SPPL2A: variants seen among roughly 807,000 people sequenced by gnomAD.
The protein encoded by SPPL2A is signal peptide peptidase like 2A, also known as signal peptide peptidase-like 2A.
In SPPL2A, 51 loss-of-function variants were observed where a neutral mutation model predicts 63.8. That is an observed-to-expected ratio of 0.80 (90% CI 0.64 to 1.01). The LOEUF (loss-of-function observed/expected upper bound fraction) is 1.01, where lower values mean the gene tolerates loss of function less well. SPPL2A is among the 50% of genes least tolerant of loss of function. The pLI is 0.00. For synonymous variants in SPPL2A, 188 were observed against 205.8 expected, an observed-to-expected ratio of 0.91 and a Z score of 0.74; for missense variants, 553 against 622.7, an observed-to-expected ratio of 0.89 and a Z score of 1.19.
intron 8 of SPPL2A, among the ~76,000 whole-genome samples, chr15:50,735,253 G>C (rs189347028): frequency 4.6e-5 from 7 of 152,156 alleles, no homozygotes; most frequent in Admixed American, 1.3e-4. Context: ...CATTACGTTT[G>C]AGATTCATTC....
At chr15:50,715,113 C>A (rs781678983) in intron 14 of SPPL2A, among the ~76,000 whole-genome samples, 2 of 152,104 alleles carry the variant, frequency 1.3e-5, no homozygotes, top group Non-Finnish European at 2.9e-5. Flanking sequence ...CTGCCTCAGC[C>A]TCCTGAGTAG....
At chr15:50,730,685 A>G (rs1256182261) in intron 10 of SPPL2A, among the ~76,000 whole-genome samples, 1 of 152,168 alleles carries the variant, frequency 6.6e-6, no homozygotes, top group Non-Finnish European at 1.5e-5. Context: ...TTTATTGTCT[A>G]TATTGCCTAC....
chr15:50,736,687 A>G lies in SPPL2A; in HGVS notation c.787T>C (p.Cys263Arg). The G allele has an allele frequency of 6.2e-7, 1 of 1,610,656 alleles. No homozygotes were observed. The highest frequency in any genetic ancestry group is 8.5e-7 in the Non-Finnish European group (1 of 1,177,192). The change falls in exon 7 of 15, where the codon TGT becomes CGT. Residue 263 changes from cysteine to arginine, a missense_variant. Transcript: ENST00000261854. Reference sequence around the variant, plus strand: ...ATCTTATGAATTAGTGCAGCAAGACAGTTGTACAGACTCATTGCTGATGCT... The same window carrying G: ...ATCTTATGAATTAGTGCAGCAAGACGGTTGTACAGACTCATTGCTGATGCT... ...CIASAMSLYNCLAALIHKIPY... is the reference protein window; with the variant it reads ...CIASAMSLYNRLAALIHKIPY...
chr15:50,731,056 CAAAATT>C lies in SPPL2A; in HGVS notation c.1015-23_1015-18del. The C allele has an allele frequency of 8.1e-7, 1 of 1,232,416 alleles. No individual in the cohort carries two copies. 76.3% of individuals were successfully genotyped at this position (1,232,416 alleles called of 1,614,324 possible). ...CACACATGACTGTCAAAGAAAGAAACAAAATTAAAGGTCAATCTTCCTAAATGTAAA... is the reference window on the plus strand; with the variant it reads ...CACACATGACTGTCAAAGAAAGAAACAAAGGTCAATCTTCCTAAATGTAAA... On this transcript the variant is annotated intron_variant, in intron 9 of 14. Transcript: ENST00000261854.
chr15:50,703,034 TA>T lies in SPPL2A; in HGVS notation c.*4765del, dbSNP rs1475611987. The T allele has an allele frequency of 6.6e-6, 1 of 151,972 alleles. No homozygotes were observed. The highest frequency in any genetic ancestry group is 1.5e-5 in the Non-Finnish European group (1 of 68,012). The allele number at this position is 151,972 out of a possible 1,614,324, so 9.4% of individuals were successfully genotyped here. On this transcript the variant is annotated 3_prime_UTR_variant, in exon 15 of 15. Transcript: ENST00000261854. ...GAGTACTTTTCCTCCAGGAAATGTA[TA>T]AAGTTATTTATTTTATGTTATATAT... is the stretch of plus-strand genomic sequence containing the variant.
intron 5 of SPPL2A, among the ~76,000 whole-genome samples, chr15:50,740,986 T>C (rs1381772134): frequency 6.6e-6 from 1 of 152,196 alleles, no homozygotes; most frequent in Non-Finnish European, 1.5e-5. Context: ...TGCTCATCAA[T>C]GTATTATAAA....
intron 1 of SPPL2A, among the ~76,000 whole-genome samples, chr15:50,754,996 G>A (rs564071815): frequency 9.1e-4 from 136 of 148,752 alleles, no homozygotes; most frequent in African/African-American, 1.3e-3. Context: ...AAACAGAAAC[G>A]AAAACAAAAC....
chr15:50,714,884 A>G (rs2062589576), intron 14 of SPPL2A, among the ~76,000 whole-genome samples: 3 of 152,102 alleles, frequency 2.0e-5, no homozygotes, highest in Non-Finnish European at 4.4e-5. Flanking sequence ...TGGAGGTTGC[A>G]GTAAGCCAAG....
chr15:50,752,101 G>A (rs1255052243), intron 1 of SPPL2A, among the ~76,000 whole-genome samples: 1 of 151,990 alleles, frequency 6.6e-6, no homozygotes, highest in Non-Finnish European at 1.5e-5. Context: ...AAAGTACTGG[G>A]ATAACAGGTG....
Position 50,736,631 on chromosome 15 carries a change from AAG to A in SPPL2A, c.830+11_830+12del, listed in dbSNP as rs1160073717. The A allele has an allele frequency of 2.1e-6, 3 of 1,408,454 alleles. No individual in the cohort carries two copies. The highest frequency in any genetic ancestry group is 3.0e-6 in the Non-Finnish European group (3 of 1,006,460). 87.2% of individuals were successfully genotyped at this position (1,408,454 alleles called of 1,614,324 possible). On this transcript the variant is annotated intron_variant, in intron 7 of 14. Coordinates refer to ENST00000261854, the MANE Select transcript of SPPL2A (RefSeq NM_032802.4). ...ACACCAACATTATAAGATTTCCTGT[AAG>A]AGATACGTACGTGCATTGTCCATAT...
At chr15:50,755,627 CAAAAAAAAA>C (rs148415568) in intron 1 of SPPL2A, among the ~76,000 whole-genome samples, 56 of 49,540 alleles carry the variant, frequency 1.1e-3, no homozygotes, top group Non-Finnish European at 1.5e-3. Flanking sequence ...CACCCTGTCT[CAAAAAAAAA>C]AAAAAAAAAA....
rs1283800792 is a variant in SPPL2A at position 50,702,925 on chromosome 15, T to G, written c.*4875A>C. The G allele has an allele frequency of 6.6e-6, 1 of 152,170 alleles. No homozygotes were observed. Among genetic ancestry groups the G allele is most frequent in the Non-Finnish European group, 1.5e-5 (1 of 68,040 alleles). 9.4% of individuals were successfully genotyped at this position (152,170 alleles called of 1,614,324 possible). ...GTCAATTTTTTTTCACTCTGAAAAT[T>G]CAGTAATCTAGCATATGAGTATTAC... On this transcript the variant is annotated 3_prime_UTR_variant, in exon 15 of 15. Coordinates refer to ENST00000261854, the MANE Select transcript of SPPL2A (RefSeq NM_032802.4).
At position 50,719,981 on chromosome 15, in the gene SPPL2A, G is replaced by T; in HGVS notation, c.1447C>A (p.Arg483Ser). 1 of 1,613,304 alleles carries T rather than the reference G, an allele frequency of 6.2e-7. No individual in the cohort carries two copies. Among genetic ancestry groups the T allele is most frequent in the Non-Finnish European group, 8.5e-7 (1 of 1,179,672 alleles). ...TTCCAGAACTTTTTCATTTCCTTAC[G>T]TCTCCAGGCAACAACTGAGGCAGTA... is the stretch of plus-strand genomic sequence containing the variant. ...LITASVVAWRRKEMKKFWKGN... is the reference protein window; with the variant it reads ...LITASVVAWRSKEMKKFWKGN... Residue 483 changes from arginine (R) to serine (S), a missense_variant, in exon 14 of 15, where the codon CGT (arginine) becomes AGT (serine). Arg to Ser is a moderately radical substitution (Grantham distance 110). Transcript: ENST00000261854.
intron 10 of SPPL2A, among the ~76,000 whole-genome samples, chr15:50,727,873 A>G (rs975401437): frequency 6.6e-6 from 1 of 152,250 alleles, no homozygotes; most frequent in African/African-American, 2.4e-5. Context: ...TACAGCAGTG[A>G]ACTCCAAAGA....
intron 14 of SPPL2A, among the ~76,000 whole-genome samples, chr15:50,719,465 G>A (rs989448064): frequency 3.3e-5 from 5 of 151,952 alleles, no homozygotes; most frequent in African/African-American, 1.2e-4. Flanking sequence ...GGCTGGTCTC[G>A]AACTCCTGTC....
At chr15:50,763,975 G>T (rs1047110232) in intron 1 of SPPL2A, among the ~76,000 whole-genome samples, 1 of 152,162 alleles carries the variant, frequency 6.6e-6, no homozygotes, top group African/African-American at 2.4e-5. Flanking sequence ...TTTAGAACAG[G>T]GATGATCTTT....
intron 11 of SPPL2A, chr15:50,725,921 TACC>T: frequency 3.1e-6 from 1 of 327,538 alleles, no homozygotes; most frequent in Non-Finnish European, 5.8e-6. Context: ...TTTTTCTCTT[TACC>T]AAGGATAGAA....
chr15:50,727,867 G>A (rs550575921), intron 10 of SPPL2A, among the ~76,000 whole-genome samples: 1 of 152,172 alleles, frequency 6.6e-6, no homozygotes, highest in Non-Finnish European at 1.5e-5. Flanking sequence ...TAAATCTACA[G>A]CAGTGAACTC....
chr15:50,748,352 T>G (rs2062876211), intron 3 of SPPL2A, 150 bp from the exon 4 acceptor site: 1 of 428,746 alleles, frequency 2.3e-6, no homozygotes, highest in African/African-American at 2.1e-5. Context: ...TTCTCAAAAT[T>G]GAATCCTTTT....
Sources: gnomAD v4.1 joint callset for allele counts (sites outside exome capture counted in the v4.1 genomes callset) on GRCh38, gnomAD v4.1.1 for gene constraint, MANE v1.5 for transcripts, NCBI Gene and HGNC (gene_info 2026-07-23, HGNC 2026-07-21) for gene names.